Variants in CAPN3 observed in about 807,000 individuals in gnomAD.
CAPN3 encodes the protein calpain-3.
A neutral mutation model predicts 114.0 loss-of-function variants in CAPN3; 88 were observed. That is an observed-to-expected ratio of 0.77 (90% confidence interval 0.65 to 0.92). CAPN3 has a LOEUF of 0.92. CAPN3 is among the 40% of genes least tolerant of loss of function. CAPN3 has a pLI of 0.00. For missense variants in CAPN3, 1,028 were observed against 1,069.0 expected (o/e 0.96, Z 0.53); for synonymous variants, 386 against 382.9 (o/e 1.01, Z -0.09).
intron 7 of CAPN3, 119 bp from the exon 8 acceptor site, chr15:42,394,137 A>G: frequency 1.1e-6 from 1 of 925,522 alleles, no homozygotes; most frequent in African/African-American, 1.6e-5. Context: ...GGCCAGAGCC[A>G]GGCAGAACAC....
chr15:42,388,639 C>G (rs1001154855), intron 4 of CAPN3, among the ~76,000 whole-genome samples: 2 of 151,916 alleles, frequency 1.3e-5, no homozygotes, highest in Non-Finnish European at 1.5e-5. Context: ...CCTTCCTCAA[C>G]GTTCAGGATG....
intron 1 of CAPN3, among the ~76,000 whole-genome samples, chr15:42,361,299 C>G (rs1357413493): frequency 6.6e-6 from 1 of 152,118 alleles, no homozygotes; most frequent in Admixed American, 6.5e-5. Context: ...AAACCTATCT[C>G]TTTTGTACTA....
chr15:42,403,050 C>G lies in CAPN3; in HGVS notation c.1745+48C>G, dbSNP rs375169911. 4 of 1,514,142 alleles carry G rather than the reference C, an allele frequency of 2.6e-6. No individual in the cohort carries two copies. The South Asian group carries it at 4.5e-5, about 17-fold the overall frequency. 93.8% of individuals were successfully genotyped at this position (1,514,142 alleles called of 1,614,324 possible). A position where few individuals can be genotyped will look rare whatever the true frequency, so the allele number is the denominator to read the frequency against. On this transcript the variant is annotated intron_variant, in intron 13 of 23. Transcript: ENST00000397163. ...CACGTGTTTCTAAAAGCTCACATGG[C>G]CCACTCCAGAGGTTGAAGGCATGAG... is the stretch of plus-strand genomic sequence containing the variant.
rs182079425 is a variant in CAPN3 at position 42,392,492 on chromosome 15, G to A, written c.946-147G>A. Reference sequence around the variant, plus strand: ...ACTCTTAAAGGGCCACTGAAGGTCCGTTCGTGGTCGTGAGGCACACTTTCA... The same window carrying A: ...ACTCTTAAAGGGCCACTGAAGGTCCATTCGTGGTCGTGAGGCACACTTTCA... On this transcript the variant is annotated intron_variant, in intron 6 of 23. Transcript: ENST00000397163. 25 of 673,998 alleles carry A rather than the reference G, an allele frequency of 3.7e-5. No individual in the cohort carries two copies. The East Asian group carries it at 5.9e-4, about 16-fold the overall frequency. 41.8% of individuals were successfully genotyped at this position (673,998 alleles called of 1,614,324 possible). A position where few individuals can be genotyped will look rare whatever the true frequency, so the allele number is the denominator to read the frequency against.
chr15:42,402,419 A>G lies in CAPN3; in HGVS notation c.1536+284A>G. 7 of 1,437,486 alleles carry G rather than the reference A, an allele frequency of 4.9e-6. No individual in the cohort carries two copies. In the South Asian group the frequency reaches 8.9e-5, roughly 18 times the overall value. The allele number at this position is 1,437,486 out of a possible 1,614,324, so 89.0% of individuals were successfully genotyped here. ...CCTCCACGCTTACAGCCACACACAC[A>G]GTCACACAGACGCGTTCTGAGGGTG... On this transcript the variant is annotated intron_variant, in intron 12 of 23. Coordinates refer to ENST00000397163, the MANE Select transcript of CAPN3 (RefSeq NM_000070.3).
intron 1 of CAPN3, among the ~76,000 whole-genome samples, chr15:42,363,464 G>A (rs1173084478): frequency 1.3e-5 from 2 of 152,090 alleles, no homozygotes; most frequent in Non-Finnish European, 2.9e-5. Flanking sequence ...AGGTTCAATT[G>A]CACCACACTC....
In CAPN3 at chr15:42,359,845, G is replaced by A; in HGVS notation, c.40G>A (p.Ala14Thr). Residue 14 changes from alanine (A) to threonine (T), a missense_variant, in exon 1 of 24, where the codon GCG (alanine) becomes ACG (threonine). By Grantham distance (58) the Ala-to-Thr change is moderately conservative. Coordinates refer to ENST00000397163, the MANE Select transcript of CAPN3 (RefSeq NM_000070.3). ...TAGCGCATCTGTGGCTCCAAGGACA[G>A]CGGCTGAGCCCCGGTCCCCAGGGCC... Reference protein sequence around the residue: ...VISASVAPRTAAEPRSPGPVP... With the variant: ...VISASVAPRTTAEPRSPGPVP... 2 of 1,614,092 alleles carry A rather than the reference G, an allele frequency of 1.2e-6. No homozygotes were observed. Among genetic ancestry groups the A allele is most frequent in the Non-Finnish European group, 1.7e-6 (2 of 1,180,040 alleles).
intron 1 of CAPN3, among the ~76,000 whole-genome samples, chr15:42,380,526 GCAT>G (rs991443926): frequency 4.0e-5 from 6 of 148,318 alleles, no homozygotes; most frequent in African/African-American, 1.5e-4. Context: ...GACTACAGGT[GCAT>G]GCCACAATGC....
chr15:42,404,739 T>C, intron 14 of CAPN3: 1 of 1,156,234 alleles, frequency 8.6e-7, no homozygotes, highest in Non-Finnish European at 1.1e-6. Flanking sequence ...GGAGGACAAA[T>C]GCCCCTCTGA....
chr15:42,386,693 C>T (rs571088892), intron 3 of CAPN3, among the ~76,000 whole-genome samples: 12 of 152,250 alleles, frequency 7.9e-5, no homozygotes, highest in Non-Finnish European at 1.0e-4. Context: ...TAAGGCATGG[C>T]GGTACCAAGG....
chr15:42,375,061 C>T (rs747679873), intron 1 of CAPN3, among the ~76,000 whole-genome samples: 11 of 148,882 alleles, frequency 7.4e-5, no homozygotes, highest in Non-Finnish European at 1.6e-4. Flanking sequence ...ACTATGTTGC[C>T]CAGGCTGGTC....
Position 42,359,855 on chromosome 15 carries a change from C to T in CAPN3, c.50C>T (p.Pro17Leu). Residue 17 changes from proline (P) to leucine (L), a missense_variant, in exon 1 of 24, where the codon CCC (proline) becomes CTC (leucine). Transcript: ENST00000397163. ...ASVAPRTAAE[P>L]RSPGPVPHPA... ...GTGGCTCCAAGGACAGCGGCTGAGC[C>T]CCGGTCCCCAGGGCCAGTTCCTCAC... The T allele has an allele frequency of 6.2e-7, 1 of 1,614,164 alleles. No homozygotes were observed. The highest frequency in any genetic ancestry group is 8.5e-7 in the Non-Finnish European group (1 of 1,180,036).
chr15:42,371,480 TC>T (rs1426288263), intron 1 of CAPN3, among the ~76,000 whole-genome samples: 4 of 152,226 alleles, frequency 2.6e-5, no homozygotes, highest in Non-Finnish European at 5.9e-5. Flanking sequence ...ACTTGTCTGT[TC>T]CTTGATCATC....
chr15:42,381,555 T>A (rs1440538378), intron 1 of CAPN3, among the ~76,000 whole-genome samples: 1 of 152,206 alleles, frequency 6.6e-6, no homozygotes, highest in East Asian at 1.9e-4. Flanking sequence ...TTTTTGTTTT[T>A]TCTGAGACAG....
rs772493432 is a variant in CAPN3, at chr15:42,401,691, G to GA, written c.1406dup (p.Asp469GlufsTer2). On this transcript the variant is annotated frameshift_variant, in exon 11 of 24. Transcript: ENST00000397163. LOFTEE classifies it high-confidence loss of function. ...CCGTCTGAAGCTCCTGGAGGAGGAC[G>GA]ATGACCCTGATGACTCGGAGGTGAT... The GA allele has an allele frequency of 6.2e-7, 1 of 1,614,198 alleles. No homozygotes were observed. Among genetic ancestry groups the GA allele is most frequent in the Non-Finnish European group, 8.5e-7 (1 of 1,180,032 alleles).
At chr15:42,382,297 A>G (rs1455778633) in intron 1 of CAPN3, among the ~76,000 whole-genome samples, 1 of 152,154 alleles carries the variant, frequency 6.6e-6, no homozygotes, top group Non-Finnish European at 1.5e-5. Context: ...TGCCCTTTCA[A>G]TCAATATGTA....
At chr15:42,371,504 T>C (rs2141126524) in intron 1 of CAPN3, among the ~76,000 whole-genome samples, 1 of 152,370 alleles carries the variant, frequency 6.6e-6, no homozygotes, top group Middle Eastern at 3.4e-3. Context: ...TATTTCACTG[T>C]ACATGAAACA....
chr15:42,411,597 A>C (rs1423760532), intron 23 of CAPN3, 150 bp from the exon 24 acceptor site: 32 of 732,626 alleles, frequency 4.4e-5, no homozygotes, highest in South Asian at 1.8e-4. Context: ...AGGAGAAAGG[A>C]AACAGTAAGC....
chr15:42,363,395 A>G (rs529549167), intron 1 of CAPN3, among the ~76,000 whole-genome samples: 16 of 152,188 alleles, frequency 1.1e-4, no homozygotes, highest in East Asian at 1.9e-4. Flanking sequence ...CTGGTGCCCA[A>G]TATACTAGGG....
Sources: gnomAD v4.1 joint callset for allele counts (sites outside exome capture counted in the v4.1 genomes callset) on GRCh38, gnomAD v4.1.1 for gene constraint, MANE v1.5 for transcripts, NCBI Gene and HGNC (gene_info 2026-07-23, HGNC 2026-07-21) for gene names.